The following ADAMTS2 variants were observed in gnomAD, a reference collection of about 807,000 sequenced individuals.
The protein encoded by ADAMTS2 is ADAM metallopeptidase with thrombospondin type 1 motif 2.
In ADAMTS2, 50 loss-of-function variants were observed where a neutral mutation model predicts 123.0. That is an observed-to-expected ratio of 0.41 (90% CI 0.32 to 0.51). The LOEUF is 0.51. ADAMTS2 is among the 20% of genes least tolerant of loss of function. ADAMTS2 has a pLI of 0.35. For synonymous variants in ADAMTS2, 678 were observed against 695.4 expected (o/e 0.98, Z 0.39); for missense variants, 1,494 against 1,705.2 (o/e 0.88, Z 2.18).
At chr5:179,318,284 G>C (rs1250417698) in intron 2 of ADAMTS2, among the ~76,000 whole-genome samples, 1 of 152,266 alleles carries the variant, frequency 6.6e-6, no homozygotes. Flanking sequence ...CGATGCGAGA[G>C]TATTAATTAA....
chr5:179,316,618 A>C (rs1474456757), intron 2 of ADAMTS2, among the ~76,000 whole-genome samples: 1 of 152,228 alleles, frequency 6.6e-6, no homozygotes, highest in Non-Finnish European at 1.5e-5. Context: ...AGCAAGGCCC[A>C]GGGCAGAGCA....
intron 2 of ADAMTS2, among the ~76,000 whole-genome samples, chr5:179,340,618 C>A (rs1373361196): frequency 6.6e-6 from 1 of 152,198 alleles, no homozygotes; most frequent in Non-Finnish European, 1.5e-5. Context: ...GGCTTCGAAG[C>A]TTGAAGCAAG....
intron 2 of ADAMTS2, among the ~76,000 whole-genome samples, chr5:179,286,819 G>C (rs952380529): frequency 6.6e-6 from 1 of 152,116 alleles, no homozygotes; most frequent in Non-Finnish European, 1.5e-5. Context: ...GGTTTCTCTC[G>C]AGGCCTCTCT....
intron 12 of ADAMTS2, 132 bp from the exon 13 acceptor site, chr5:179,136,174 G>A: frequency 7.7e-7 from 1 of 1,302,234 alleles, no homozygotes; most frequent in Non-Finnish European, 1.1e-6. Flanking sequence ...AGACAGAGAG[G>A]GAAAGGGGTG....
chr5:179,227,571 G>A (rs1405388963), intron 3 of ADAMTS2, among the ~76,000 whole-genome samples: 1 of 152,176 alleles, frequency 6.6e-6, no homozygotes, highest in Non-Finnish European at 1.5e-5. Flanking sequence ...CTGCTGGGCT[G>A]GGACCACAGA....
chr5:179,293,428 G>A (rs539103646), intron 2 of ADAMTS2, among the ~76,000 whole-genome samples: 13 of 152,256 alleles, frequency 8.5e-5, no homozygotes, highest in Non-Finnish European at 1.6e-4. Context: ...AGTCAGAGCC[G>A]TGCGCTGAGC....
chr5:179,117,418 C>T lies in ADAMTS2; in HGVS notation c.3179-3094G>A, dbSNP rs1473346450. ...TCCACTCCCTCACTGTCTCCCCCAC[C>T]AGGCTGGGATCCCTGAAAAGCAGGA... On this transcript the variant is annotated intron_variant, in intron 21 of 21. Coordinates refer to ENST00000251582, the MANE Select transcript of ADAMTS2 (RefSeq NM_014244.5). The surrounding 1 kb of genome is among the most constrained non-coding windows in gnomAD (Gnocchi z 4.2). Among the ~76,000 whole-genome samples, 1 of 152,236 alleles carries T rather than the reference C, an allele frequency of 6.6e-6. No individual in the cohort carries two copies. The highest frequency in any genetic ancestry group is 1.5e-5 in the Non-Finnish European group (1 of 68,050).
intron 19 of ADAMTS2, 169 bp from the exon 20 acceptor site, chr5:179,122,942 C>A: frequency 4.3e-6 from 4 of 922,974 alleles, no homozygotes; most frequent in South Asian, 1.5e-5. Flanking sequence ...TCGGGGGCAG[C>A]CCCAATCTCC....
Position 179,332,692 on chromosome 5 carries a change from G to A in ADAMTS2, c.534+11075C>T, listed in dbSNP as rs1437818457. Among the ~76,000 whole-genome samples the A allele has an allele frequency of 1.3e-5, 2 of 151,816 alleles. No individual in the cohort carries two copies. The highest frequency in any genetic ancestry group is 2.9e-5 in the Non-Finnish European group (2 of 67,936). On this transcript the variant is annotated intron_variant, in intron 2 of 21. Coordinates refer to ENST00000251582, the MANE Select transcript of ADAMTS2 (RefSeq NM_014244.5). This position sits in a 1 kb window ranked among gnomAD's most constrained non-coding sequence, Gnocchi z 4.2. ...AGTGGCCAGCCATCGTGCAGAGAGG[G>A]GAGGGCAGAGGGGAGGGAGGGAGGG...
intron 3 of ADAMTS2, among the ~76,000 whole-genome samples, chr5:179,217,714 T>A (rs563458207): frequency 1.2e-5 from 1 of 82,534 alleles, no homozygotes; most frequent in Admixed American, 1.2e-4. Context: ...TGGACTCTGC[T>A]GGCTGAATGC....
At chr5:179,121,337 C>G (rs892684331) in intron 21 of ADAMTS2, 1 of 189,838 alleles carries the variant, frequency 5.3e-6, no homozygotes, top group East Asian at 1.2e-4. Context: ...AGACCGCGAA[C>G]CCCCCCGGGC....
In ADAMTS2 at chr5:179,320,648, G is replaced by T. The variant is rs557903166; in HGVS notation, c.534+23119C>A. On this transcript the variant is annotated intron_variant, in intron 2 of 21. Coordinates refer to ENST00000251582, the MANE Select transcript of ADAMTS2 (RefSeq NM_014244.5). The stretch of plus-strand genomic sequence containing the variant: ...TTCTCCTTCTGATAGCACAGCCCCT[G>T]TGTCACTCAGGAACCAGCTCTCATC... Among the ~76,000 whole-genome samples, 7 of 152,214 alleles carry T rather than the reference G, an allele frequency of 4.6e-5. No homozygotes were observed. In the East Asian group the frequency reaches 1.2e-3, roughly 25 times the overall value.
chr5:179,171,925 T>C (rs1200677636), intron 5 of ADAMTS2, among the ~76,000 whole-genome samples: 1 of 152,032 alleles, frequency 6.6e-6, no homozygotes, highest in Non-Finnish European at 1.5e-5. Flanking sequence ...GTGTCCTGGG[T>C]CCCACACCCC....
At position 179,229,078 on chromosome 5, in the gene ADAMTS2, C is replaced by T. The variant is rs1397975228; in HGVS notation, c.689-21363G>A. 6.6e-5 allele frequency among the ~76,000 whole-genome samples: 10 copies of T among 152,258 alleles called. No homozygotes were observed. In the South Asian group the frequency reaches 1.2e-3, roughly 19 times the overall value. On this transcript the variant is annotated intron_variant, in intron 3 of 21. Coordinates refer to ENST00000251582, the MANE Select transcript of ADAMTS2 (RefSeq NM_014244.5). ...CACCTCGGTCAGGCCACCCTCTCTCCGTCAGACCCTCAGTGTCCTGATCAG... is the reference window on the plus strand; with the variant it reads ...CACCTCGGTCAGGCCACCCTCTCTCTGTCAGACCCTCAGTGTCCTGATCAG...
rs1196345804 is a variant in ADAMTS2 at position 179,135,898 on chromosome 5, T to TCAGA, written c.2085+10_2085+11insTCTG. The TCAGA allele has an allele frequency of 6.2e-7, 1 of 1,612,912 alleles. No individual in the cohort carries two copies. Among genetic ancestry groups the TCAGA allele is most frequent in the Non-Finnish European group, 8.5e-7 (1 of 1,180,022 alleles). On this transcript the variant is annotated intron_variant, in intron 13 of 21. Coordinates refer to ENST00000251582, the MANE Select transcript of ADAMTS2 (RefSeq NM_014244.5). ...CACGGTAGCCCCCCGTGCCGGCCTCTGTGTACTCACCCTGCAGTCCCCGCG... is the reference window on the plus strand; with the variant it reads ...CACGGTAGCCCCCCGTGCCGGCCTCTCAGAGTGTACTCACCCTGCAGTCCCCGCG...
intron 2 of ADAMTS2, among the ~76,000 whole-genome samples, chr5:179,278,439 T>C (rs1409716672): frequency 2.0e-5 from 3 of 152,066 alleles, no homozygotes; most frequent in African/African-American, 4.8e-5. Context: ...CAGTGTCAAG[T>C]GTATCTGTTT....
At chr5:179,336,279 AAGTT>A in intron 2 of ADAMTS2, among the ~76,000 whole-genome samples, 1 of 152,274 alleles carries the variant, frequency 6.6e-6, no homozygotes, top group Admixed American at 6.5e-5. Context: ...TGAGGTCAAA[AAGTT>A]AGGGTGCACG....
rs886093806 is a variant in ADAMTS2, at chr5:179,155,598, C to A, written c.1133-679G>T. On this transcript the variant is annotated intron_variant, in intron 6 of 21. Coordinates refer to ENST00000251582, the MANE Select transcript of ADAMTS2 (RefSeq NM_014244.5). This position sits in a 1 kb window ranked among gnomAD's most constrained non-coding sequence, Gnocchi z 5.1. ...CCAGTGGCCTACGACAGCCCAGGGC[C>A]AGGGGGAGGGTGGCAGAAGTTCATG... 6.6e-6 allele frequency among the ~76,000 whole-genome samples: 1 copy of A among 152,230 alleles called. No homozygotes were observed. Among genetic ancestry groups the A allele is most frequent in the Admixed American group, 6.5e-5 (1 of 15,288 alleles).
Position 179,113,600 on chromosome 5 carries a change from G to C in ADAMTS2, c.*267C>G, listed in dbSNP as rs1018249243. On this transcript the variant is annotated 3_prime_UTR_variant, in exon 22 of 22. Transcript: ENST00000251582. Reference sequence around the variant, plus strand: ...ATCCCTCTTGCCCTGCCCTCACTGAGGGAGGCCATACAGCCTCTATATTCC... The same window carrying C: ...ATCCCTCTTGCCCTGCCCTCACTGACGGAGGCCATACAGCCTCTATATTCC... 3 of 512,612 alleles carry C rather than the reference G, an allele frequency of 5.9e-6. No homozygotes were observed. Among genetic ancestry groups the C allele is most frequent in the African/African-American group, 5.8e-5 (3 of 52,076 alleles). The allele number at this position is 512,612 out of a possible 1,614,324, so 31.8% of individuals were successfully genotyped here.
Sources: gnomAD v4.1 joint callset for allele counts (sites outside exome capture counted in the v4.1 genomes callset) on GRCh38, gnomAD v4.1.1 for gene constraint, Gnocchi (gnomAD v3.1) non-coding constraint, MANE v1.5 for transcripts, NCBI Gene and HGNC (gene_info 2026-07-23, HGNC 2026-07-21) for gene names.